Variants in MBD5 observed in about 807,000 individuals in gnomAD.
The protein encoded by MBD5 is methyl-CpG-binding domain protein 5.
In MBD5, 13 loss-of-function variants were observed where a neutral mutation model predicts 117.3. That is an observed-to-expected ratio of 0.11 (90% CI 0.07 to 0.18). MBD5 has a LOEUF of 0.18. Among genes scored for constraint, MBD5 ranks in the 10% least tolerant of loss-of-function variants. MBD5 has a pLI of 1.00. For missense variants in MBD5, 1,879 were observed against 2,093.8 expected (o/e 0.90, Z 2.00); for synonymous variants, 727 against 766.4 (o/e 0.95, Z 0.85).
At chr2:148,036,512 T>A (rs977303814) in intron 1 of MBD5, among the ~76,000 whole-genome samples, 1 of 152,132 alleles carries the variant, frequency 6.6e-6, no homozygotes, top group African/African-American at 2.4e-5. Context: ...TTGATTTAAA[T>A]GGGTGTAGAC....
At chr2:148,085,232 A>G (rs1488929294) in intron 1 of MBD5, among the ~76,000 whole-genome samples, 2 of 152,180 alleles carry the variant, frequency 1.3e-5, no homozygotes, top group African/African-American at 4.8e-5. Flanking sequence ...TCCCCACATC[A>G]CTATTATTAT....
At chr2:148,478,314 G>T (rs968450773) in intron 8 of MBD5, among the ~76,000 whole-genome samples, 1 of 152,202 alleles carries the variant, frequency 6.6e-6, no homozygotes, top group Non-Finnish European at 1.5e-5. Context: ...AGCAGGCACA[G>T]TGGCTCACGC....
chr2:148,276,470 C>T (rs1701116778), intron 3 of MBD5, among the ~76,000 whole-genome samples: 1 of 152,160 alleles, frequency 6.6e-6, no homozygotes, highest in Admixed American at 6.5e-5. Flanking sequence ...ACATGCATCA[C>T]TTATTTTGCT....
chr2:148,244,837 C>T (rs1700298594), intron 3 of MBD5, among the ~76,000 whole-genome samples: 1 of 152,112 alleles, frequency 6.6e-6, no homozygotes, highest in Non-Finnish European at 1.5e-5. Flanking sequence ...GAGTAGTTGT[C>T]ACAGGAGTGA....
At chr2:148,232,478 C>CT (rs1325563763) in intron 2 of MBD5, among the ~76,000 whole-genome samples, 2 of 151,682 alleles carry the variant, frequency 1.3e-5, no homozygotes, top group Non-Finnish European at 2.9e-5. Context: ...CATATAGATA[C>CT]TTTTTTTGTT....
In MBD5 at chr2:148,462,622, A is replaced by G; in HGVS notation, c.154A>G (p.Thr52Ala). 6.2e-7 allele frequency: 1 copy of G among 1,612,892 alleles called. No individual in the cohort carries two copies. The highest frequency in any genetic ancestry group is 8.5e-7 in the Non-Finnish European group (1 of 1,179,222). The part of the protein sequence containing the change: ...SLLSCLEQVK[T>A]YLLTDGTCKC... ...GTTATCTTGCTTGGAGCAGGTTAAAACATACCTGCTTACTGATGGAACATG... is the reference window on the plus strand; with the variant it reads ...GTTATCTTGCTTGGAGCAGGTTAAAGCATACCTGCTTACTGATGGAACATG... Residue 52 changes from threonine to alanine, a missense_variant, in exon 6 of 14, where the codon ACA becomes GCA. Physicochemically the swap from Thr to Ala is moderately conservative, Grantham distance 58. Transcript: ENST00000642680.
chr2:148,174,689 CA>C (rs1218425789), intron 1 of MBD5, among the ~76,000 whole-genome samples: 1 of 151,124 alleles, frequency 6.6e-6, no homozygotes, highest in African/African-American at 2.4e-5. Flanking sequence ...CCAACTGATA[CA>C]AGAAAAACTT....
At chr2:148,212,259 G>A (rs1699441746) in intron 2 of MBD5, among the ~76,000 whole-genome samples, 1 of 152,052 alleles carries the variant, frequency 6.6e-6, no homozygotes, top group Non-Finnish European at 1.5e-5. Context: ...TCCTAGTCCT[G>A]GCAAACAGTA....
At chr2:148,150,617 G>T (rs199591317) in intron 1 of MBD5, among the ~76,000 whole-genome samples, 56,006 of 150,658 alleles carry the variant, frequency 0.37, 11,161 homozygotes, top group South Asian at 0.5. Context: ...TTTATTTCCT[G>T]GAGCAGTGGT....
chr2:148,492,753 G>C (rs761713514), intron 11 of MBD5, among the ~76,000 whole-genome samples: 13 of 151,974 alleles, frequency 8.6e-5, no homozygotes, highest in Non-Finnish European at 1.6e-4. Context: ...ACCAGAAAAG[G>C]TAAAAATTCA....
rs560020941 is a variant in MBD5, at chr2:148,234,742, T to C, written c.-680+1347T>C. Among the ~76,000 whole-genome samples the C allele has an allele frequency of 2.0e-5, 3 of 152,276 alleles. No homozygotes were observed. The South Asian group carries it at 6.2e-4, about 32-fold the overall frequency. On this transcript the variant is annotated intron_variant, in intron 3 of 13. Coordinates refer to ENST00000642680, the MANE Select transcript of MBD5 (RefSeq NM_001378120.1). ...CCACTGCTTCCTTCAGCAAGCCAATTTAGTATAACAGCTCTCAGAAGCAGA... is the reference window on the plus strand; with the variant it reads ...CCACTGCTTCCTTCAGCAAGCCAATCTAGTATAACAGCTCTCAGAAGCAGA...
intron 7 of MBD5, among the ~76,000 whole-genome samples, chr2:148,466,641 T>C (rs574090392): frequency 1.3e-5 from 2 of 152,280 alleles, no homozygotes; most frequent in South Asian, 4.1e-4. Flanking sequence ...GTTCCTTTAA[T>C]TACAAACTTT....
intron 1 of MBD5, among the ~76,000 whole-genome samples, chr2:148,042,723 T>G (rs1412548850): frequency 6.6e-6 from 1 of 152,142 alleles, no homozygotes; most frequent in East Asian, 1.9e-4. Flanking sequence ...ATGATATTAA[T>G]AGTTTCCTTA....
intron 8 of MBD5, among the ~76,000 whole-genome samples, chr2:148,480,754 A>G (rs2105050907): frequency 6.6e-6 from 1 of 152,230 alleles, no homozygotes; most frequent in South Asian, 2.1e-4. Flanking sequence ...TGCCTACTTC[A>G]GTATTTGGTA....
At chr2:148,425,116 A>G (rs1705736411) in intron 4 of MBD5, among the ~76,000 whole-genome samples, 1 of 152,154 alleles carries the variant, frequency 6.6e-6, no homozygotes, top group African/African-American at 2.4e-5. Flanking sequence ...GAAAAGATCA[A>G]CAAAATAGAT....
rs557688748 is a variant in MBD5, at chr2:148,115,005, G to T, written c.-924-63695G>T. 5.3e-5 allele frequency among the ~76,000 whole-genome samples: 8 copies of T among 152,076 alleles called. No individual in the cohort carries two copies. The East Asian group carries it at 1.5e-3, about 29-fold the overall frequency. Reference sequence around the variant, plus strand: ...ATATATGTATATGCATATGTATAAAGTATCTGCATATACATACATATATAC... The same window carrying T: ...ATATATGTATATGCATATGTATAAATTATCTGCATATACATACATATATAC... On this transcript the variant is annotated intron_variant, in intron 1 of 13. Transcript: ENST00000642680.
intron 1 of MBD5, among the ~76,000 whole-genome samples, chr2:148,104,954 G>A (rs1487950781): frequency 6.6e-6 from 1 of 151,894 alleles, no homozygotes; most frequent in African/African-American, 2.4e-5. Flanking sequence ...GAATTATAGA[G>A]GTTAAATAAC....
chr2:148,507,552 G>A (rs944375311), intron 12 of MBD5, among the ~76,000 whole-genome samples: 3 of 151,986 alleles, frequency 2.0e-5, no homozygotes, highest in Non-Finnish European at 2.9e-5. Flanking sequence ...GAGGTCAGGA[G>A]ATCGAGACCA....
chr2:148,111,877 A>G lies in MBD5; in HGVS notation c.-924-66823A>G, dbSNP rs146202136. 4.8e-3 allele frequency among the ~76,000 whole-genome samples: 733 copies of G among 152,284 alleles called. 4 individuals are homozygous for G. Among genetic ancestry groups the G allele is most frequent in the Non-Finnish European group, 7.0e-3 (475 of 68,012 alleles). On this transcript the variant is annotated intron_variant, in intron 1 of 13. Transcript: ENST00000642680. ...TACATACCTATAAGTTTAATTTATA[A>G]ATTAGAGACACAGATTAACACAAAT...
Sources: gnomAD v4.1 joint callset for allele counts (sites outside exome capture counted in the v4.1 genomes callset) on GRCh38, gnomAD v4.1.1 for gene constraint, MANE v1.5 for transcripts, NCBI Gene and HGNC (gene_info 2026-07-23, HGNC 2026-07-21) for gene names.